ANKRD36: variants seen among roughly 807,000 people sequenced by gnomAD.
ANKRD36 encodes the protein ankyrin repeat domain-containing protein 36A.
Under a neutral mutation model 278.1 loss-of-function variants are expected in ANKRD36, and 179 were observed. The ratio of observed to expected loss-of-function variants is 0.64; its 90% CI spans 0.57 to 0.73. The LOEUF (loss-of-function observed/expected upper bound fraction) is 0.73, where lower values mean the gene tolerates loss of function less well. Ranked by LOEUF, ANKRD36 falls within the 30% of genes least tolerant of loss-of-function variation. The pLI, the probability that ANKRD36 is intolerant of heterozygous loss-of-function variation, is 0.00. For synonymous variants in ANKRD36, 320 were observed against 641.1 expected (o/e 0.50, Z 7.57); for missense variants, 1,159 against 1,956.7 (o/e 0.59, Z 7.69).
intron 20 of ANKRD36, 125 bp downstream of exon 20, chr2:97,164,594 G>A (rs1431272541): frequency 1.0e-6 from 1 of 986,846 alleles, no homozygotes; most frequent in Non-Finnish European, 1.5e-6. Context: ...ATATGCTGAT[G>A]TTCTTGTTAA....
In ANKRD36 at chr2:97,177,172, A is replaced by G. The variant is rs553859420; in HGVS notation, c.1634-2566A>G. ...ACTACAAACCACTGCTCAAGGAAAT[A>G]AAAGAGGATACAAACAAATGGAAGA... On this transcript the variant is annotated intron_variant, in intron 22 of 75. Transcript: ENST00000420699. 2.4e-3 allele frequency among the ~76,000 whole-genome samples: 367 copies of G among 152,020 alleles called. 2 individuals are homozygous for G. Among genetic ancestry groups the G allele is most frequent in the African/African-American group, 8.5e-3 (354 of 41,536 alleles).
rs1290818142 is a variant in ANKRD36, at chr2:97,144,669, G to A, written c.960G>A (p.Ser320=). The A allele has an allele frequency of 6.5e-6, 10 of 1,543,388 alleles. No individual in the cohort carries two copies. In the South Asian group the frequency reaches 7.1e-5, roughly 11 times the overall value. ...KDTSDKDDSV[S]NTATEIKDEQ... ...CAAGTGACAAGGATGATTCTGTTTC[G>A]AACACAGCCACAGAAATAAAAGATG... The change falls in exon 10 of 76, where the codon TCG becomes TCA. Residue 320 remains serine (S), a synonymous_variant. Transcript: ENST00000420699.
intron 5 of ANKRD36, among the ~76,000 whole-genome samples, chr2:97,124,896 C>T (rs1443567044): frequency 1.3e-5 from 2 of 151,816 alleles, no homozygotes; most frequent in Admixed American, 6.6e-5. Flanking sequence ...TAGTATAACC[C>T]CTATGCATAG....
At chr2:97,138,374 T>C (rs1201687077) in intron 6 of ANKRD36, among the ~76,000 whole-genome samples, 3 of 151,798 alleles carry the variant, frequency 2.0e-5, no homozygotes, top group African/African-American at 7.3e-5. Context: ...GGAATACAAC[T>C]CACAAGGGAT....
chr2:97,188,529 C>G (rs1239745760), intron 32 of ANKRD36, among the ~76,000 whole-genome samples: 23 of 149,422 alleles, frequency 1.5e-4, no homozygotes, highest in Admixed American at 1.4e-4. Flanking sequence ...TGAATATTAT[C>G]TACTAGGTAT....
At chr2:97,181,495 A>G (rs2056184682) in intron 24 of ANKRD36, 103 bp from the exon 25 acceptor site, 1 of 1,496,858 alleles carries the variant, frequency 6.7e-7, no homozygotes, top group Non-Finnish European at 9.0e-7. Context: ...AGCCTACACT[A>G]GTACAGGCAG....
Position 97,231,681 on chromosome 2 carries a change from A to G in ANKRD36, c.3952-2049A>G, listed in dbSNP as rs566212942. On this transcript the variant is annotated intron_variant, in intron 67 of 75. Coordinates refer to ENST00000420699, the MANE Select transcript of ANKRD36 (RefSeq NM_001354587.1). ...TGTCTGGCACTCTTTAGTGAGATGA[A>G]CCTGGTACCTCAGATGGAAATGCAG... 2.0e-5 allele frequency among the ~76,000 whole-genome samples: 3 copies of G among 152,206 alleles called. No homozygotes were observed. In the South Asian group the frequency reaches 6.3e-4, roughly 32 times the overall value.
In ANKRD36 at chr2:97,195,009, A is replaced by C. The variant is rs1389266205; in HGVS notation, c.2551+92A>C. On this transcript the variant is annotated intron_variant, in intron 40 of 75. Transcript: ENST00000420699. The stretch of plus-strand genomic sequence containing the variant: ...TCAGTGGGGGGCTGGTCAAAGATGC[A>C]CATTCTGATTCAGCAGGCCTGAGAT... 9 of 1,478,936 alleles carry C rather than the reference A, an allele frequency of 6.1e-6. No individual in the cohort carries two copies. The East Asian group carries it at 2.0e-4, about 33-fold the overall frequency. 91.6% of individuals were successfully genotyped at this position (1,478,936 alleles called of 1,614,324 possible). A position where few individuals can be genotyped will look rare whatever the true frequency, so the allele number is the denominator to read the frequency against.
intron 6 of ANKRD36, among the ~76,000 whole-genome samples, chr2:97,138,523 A>G (rs914627797): frequency 6.6e-6 from 1 of 152,208 alleles, no homozygotes; most frequent in African/African-American, 2.4e-5. Context: ...AGTAATTTGT[A>G]GGTTCAGTGC....
chr2:97,212,558 T>C (rs1289009890), intron 58 of ANKRD36, among the ~76,000 whole-genome samples: 1 of 151,954 alleles, frequency 6.6e-6, no homozygotes, highest in Non-Finnish European at 1.5e-5. Context: ...AATAGCATGA[T>C]ACTCCAAAGA....
rs1443604755 is a variant in ANKRD36, at chr2:97,196,786, C to G, written c.2651C>G (p.Thr884Arg). 6.5e-7 allele frequency: 1 copy of G among 1,546,362 alleles called. No homozygotes were observed. Among genetic ancestry groups the G allele is most frequent in the African/African-American group, 1.4e-5 (1 of 72,896 alleles). Residue 884 changes from threonine (T) to arginine (R), a missense_variant and splice_region_variant, in exon 42 of 76, where the codon ACA becomes AGA. Transcript: ENST00000420699. ...AACAAGGATGGAGAAAAATCTAGGA[C>G]AGGTAATTCTGAAAACAGATTTAAT... ...RENKDGEKSR[T>R]VSSEKPPGLK...
At chr2:97,196,505 A>T in intron 40 of ANKRD36, 88 bp from the exon 41 acceptor site, 1 of 1,581,040 alleles carries the variant, frequency 6.3e-7, no homozygotes, top group Non-Finnish European at 8.6e-7. Flanking sequence ...AGGCAGGAGG[A>T]CAGAGGTTGA....
chr2:97,169,638 A>AT (rs2051800746), intron 22 of ANKRD36, among the ~76,000 whole-genome samples: 1 of 152,126 alleles, frequency 6.6e-6, no homozygotes, highest in Admixed American at 6.6e-5. Context: ...CTATACACCG[A>AT]TAAAAGACAA....
At chr2:97,203,486 G>C (rs191328372) in intron 48 of ANKRD36, among the ~76,000 whole-genome samples, 2 of 151,846 alleles carry the variant, frequency 1.3e-5, no homozygotes, top group African/African-American at 2.4e-5. Flanking sequence ...TACACCATAT[G>C]GGGGTGAGAG....
chr2:97,220,226 C>A (rs2067039100), intron 66 of ANKRD36, among the ~76,000 whole-genome samples: 2 of 149,314 alleles, frequency 1.3e-5, no homozygotes, highest in Admixed American at 1.3e-4. Flanking sequence ...CAAGCATTAA[C>A]CATTTCTTTG....
intron 34 of ANKRD36, among the ~76,000 whole-genome samples, chr2:97,190,666 C>T (rs2058328935): frequency 6.6e-6 from 1 of 151,454 alleles, no homozygotes; most frequent in Non-Finnish European, 1.5e-5. Flanking sequence ...TGAGTTGCTC[C>T]TCTGATTTTA....
At chr2:97,194,701 AT>A in intron 38 of ANKRD36, 24 bp from the exon 39 acceptor site, 1 of 1,604,024 alleles carries the variant, frequency 6.2e-7, no homozygotes, top group Non-Finnish European at 8.5e-7. Flanking sequence ...CATGTGAGTG[AT>A]TATGTATCCC....
chr2:97,148,056 C>A (rs1479018553), intron 11 of ANKRD36, among the ~76,000 whole-genome samples: 2 of 152,020 alleles, frequency 1.3e-5, no homozygotes, highest in Non-Finnish European at 1.5e-5. Flanking sequence ...GTATCATCTT[C>A]TTCCATCCCA....
intron 3 of ANKRD36, among the ~76,000 whole-genome samples, chr2:97,121,672 A>G (rs1308703417): frequency 1.3e-5 from 2 of 152,036 alleles, no homozygotes; most frequent in African/African-American, 4.8e-5. Flanking sequence ...AAAAGATGCA[A>G]ATAATTTAGT....
Sources: gnomAD v4.1 joint callset for allele counts (sites outside exome capture counted in the v4.1 genomes callset) on GRCh38, gnomAD v4.1.1 for gene constraint, MANE v1.5 for transcripts, NCBI Gene and HGNC (gene_info 2026-07-23, HGNC 2026-07-21) for gene names.